SNTG1: variants seen among roughly 807,000 people sequenced by gnomAD.
The protein encoded by SNTG1 is gamma-1-syntrophin.
SNTG1 carries 39 observed loss-of-function variants against 74.7 expected under a neutral mutation model. The ratio of observed to expected loss-of-function variants is 0.52; its 90% CI spans 0.40 to 0.68. SNTG1 has a LOEUF of 0.68. Ranked by LOEUF, SNTG1 falls within the 30% of genes least tolerant of loss-of-function variation. SNTG1 has a pLI of 0.00. For missense variants in SNTG1, 685 were observed against 609.5 expected (o/e 1.12, Z -1.30); for synonymous variants, 254 against 217.1 (o/e 1.17, Z -1.49).
intron 13 of SNTG1, among the ~76,000 whole-genome samples, chr8:50,613,805 C>T (rs780961906): frequency 1.3e-5 from 2 of 151,964 alleles, no homozygotes; most frequent in Non-Finnish European, 2.9e-5. Flanking sequence ...ACATAATTGT[C>T]TTCATTATAG....
Position 50,794,589 on chromosome 8 carries a change from A to T in SNTG1, c.*1760A>T, listed in dbSNP as rs182705566. On this transcript the variant is annotated 3_prime_UTR_variant, in exon 19 of 19. Transcript: ENST00000642720. ...GATCAAATACAACAGTCATTGTAAA[A>T]TTGAAACCCACCAAAAGCAGCCTTC... 6.6e-6 allele frequency: 1 copy of T among 152,166 alleles called. No individual in the cohort carries two copies. Among genetic ancestry groups the T allele is most frequent in the East Asian group, 1.9e-4 (1 of 5,170 alleles). The allele number at this position is 152,166 out of a possible 1,614,324, so 9.4% of individuals were successfully genotyped here.
chr8:50,510,974 C>A (rs2094066840), intron 9 of SNTG1, among the ~76,000 whole-genome samples: 1 of 152,052 alleles, frequency 6.6e-6, no homozygotes, highest in Non-Finnish European at 1.5e-5. Context: ...AATGTGTTTT[C>A]TCTGGCTTCT....
intron 1 of SNTG1, among the ~76,000 whole-genome samples, chr8:49,997,792 CA>C (rs1814371710): frequency 6.6e-6 from 1 of 152,064 alleles, no homozygotes; most frequent in Admixed American, 6.6e-5. Flanking sequence ...TGTAGTGTCT[CA>C]GTCATTAGAA....
intron 15 of SNTG1, among the ~76,000 whole-genome samples, chr8:50,681,879 CAACATGTCCTCTGA>C (rs1200809438): frequency 6.6e-6 from 1 of 152,190 alleles, no homozygotes; most frequent in Non-Finnish European, 1.5e-5. Context: ...ACAACCAACA[CAACATGTCCTCTGA>C]CTCTGCAGAC....
intron 1 of SNTG1, among the ~76,000 whole-genome samples, chr8:50,012,845 C>T (rs1322874595): frequency 1.3e-5 from 2 of 152,120 alleles, no homozygotes; most frequent in Non-Finnish European, 2.9e-5. Flanking sequence ...ACAGCAGCTG[C>T]AGCTGTCCCT....
chr8:50,311,225 T>A (rs187628728), intron 2 of SNTG1, among the ~76,000 whole-genome samples: 16 of 152,316 alleles, frequency 1.1e-4, no homozygotes, highest in African/African-American at 3.4e-4. Context: ...CTCACATAGT[T>A]AAGGGACTGT....
rs1007531561 is a variant in SNTG1 at position 50,654,509 on chromosome 8, T to C, written c.850-2400T>C. Among the ~76,000 whole-genome samples the C allele has an allele frequency of 2.6e-5, 4 of 152,208 alleles. No individual in the cohort carries two copies. The East Asian group carries it at 5.8e-4, about 22-fold the overall frequency. ...ATATACATAGCAAACTTAATTAATGTCTGTATTAGAAAATTCCAATATCTG... is the reference window on the plus strand; with the variant it reads ...ATATACATAGCAAACTTAATTAATGCCTGTATTAGAAAATTCCAATATCTG... On this transcript the variant is annotated intron_variant, in intron 13 of 18. Coordinates refer to ENST00000642720, the MANE Select transcript of SNTG1 (RefSeq NM_018967.5).
chr8:49,944,084 C>A (rs1306707719), intron 1 of SNTG1, among the ~76,000 whole-genome samples: 1 of 152,110 alleles, frequency 6.6e-6, no homozygotes. Context: ...ATGTCCCCTT[C>A]CAAATTATTT....
intron 12 of SNTG1, among the ~76,000 whole-genome samples, chr8:50,589,937 T>C (rs544872467): frequency 9.9e-5 from 15 of 152,188 alleles, no homozygotes; most frequent in East Asian, 1.9e-4. Context: ...ATCACACATA[T>C]GTTCTCAAAT....
chr8:50,280,507 C>T (rs1425997447), intron 2 of SNTG1, among the ~76,000 whole-genome samples: 1 of 152,098 alleles, frequency 6.6e-6, no homozygotes, highest in East Asian at 1.9e-4. Flanking sequence ...AAGGCATAGT[C>T]TCAAGAAGTT....
At chr8:50,127,417 T>C (rs1471882883) in intron 1 of SNTG1, among the ~76,000 whole-genome samples, 1 of 152,148 alleles carries the variant, frequency 6.6e-6, no homozygotes, top group Non-Finnish European at 1.5e-5. Flanking sequence ...GACTTAAGCA[T>C]TGGGTTCAGT....
chr8:50,453,864 T>C (rs6988898), intron 8 of SNTG1, among the ~76,000 whole-genome samples: 4,000 of 152,274 alleles, frequency 0.026, 165 homozygotes, highest in African/African-American at 0.09. Flanking sequence ...ATGCTGCTGC[T>C]CAGCATCCCA....
At chr8:50,451,567 A>T (rs1380943371) in intron 8 of SNTG1, among the ~76,000 whole-genome samples, 1 of 152,144 alleles carries the variant, frequency 6.6e-6, no homozygotes, top group Non-Finnish European at 1.5e-5. Flanking sequence ...CAGAGTAGTC[A>T]TCCAGTTTTT....
Position 50,402,317 on chromosome 8 carries a change from T to G in SNTG1, c.135T>G (p.Cys45Trp), listed in dbSNP as rs147780932. 233 of 1,609,858 alleles carry G rather than the reference T, an allele frequency of 1.4e-4. No homozygotes were observed. Among genetic ancestry groups the G allele is most frequent in the Non-Finnish European group, 1.9e-4 (220 of 1,179,084 alleles). ...TGATCCAGGAACAGGATGTGATATG[T>G]GTGTCTGGTGAGCCTTTCTATTCTG... ...ILMIQEQDVICVSGEPFYSGE... is the reference protein window; with the variant it reads ...ILMIQEQDVIWVSGEPFYSGE... The change falls in exon 4 of 19, where the codon TGT becomes TGG. Residue 45 changes from cysteine (C) to tryptophan (W), a missense_variant. Cys to Trp is a radical substitution (Grantham distance 215). Transcript: ENST00000642720.
intron 2 of SNTG1, among the ~76,000 whole-genome samples, chr8:50,314,837 T>G (rs1471091597): frequency 6.7e-6 from 1 of 149,880 alleles, no homozygotes; most frequent in African/African-American, 2.5e-5. Flanking sequence ...ATTTGGCTTA[T>G]GCCTCTTTTG....
At chr8:50,474,696 A>C (rs2093681839) in intron 8 of SNTG1, among the ~76,000 whole-genome samples, 1 of 152,178 alleles carries the variant, frequency 6.6e-6, no homozygotes, top group African/African-American at 2.4e-5. Context: ...AGAACTAGAA[A>C]TACCATTTGA....
intron 2 of SNTG1, among the ~76,000 whole-genome samples, chr8:50,225,709 G>A (rs117357108): frequency 1.8e-3 from 268 of 152,306 alleles, no homozygotes; most frequent in South Asian, 2.7e-3. Context: ...TAAAAATAGG[G>A]AGGATTTTGA....
At chr8:49,998,194 A>G (rs189533619) in intron 1 of SNTG1, among the ~76,000 whole-genome samples, 33 of 152,262 alleles carry the variant, frequency 2.2e-4, no homozygotes, top group South Asian at 6.2e-4. Flanking sequence ...TAAGATCAAT[A>G]ACGGTATGCT....
At chr8:50,371,258 C>T (rs576215572) in intron 2 of SNTG1, among the ~76,000 whole-genome samples, 1 of 152,312 alleles carries the variant, frequency 6.6e-6, no homozygotes, top group East Asian at 1.9e-4. Context: ...TGGATGTTAT[C>T]TGACTCACTA....
Sources: allele counts gnomAD v4.1 joint callset (sites outside exome capture counted in the v4.1 genomes callset), GRCh38; gene constraint gnomAD v4.1.1; transcripts MANE v1.5; gene names NCBI Gene and HGNC (gene_info 2026-07-23, HGNC 2026-07-21).